The following TBC1D5 variants were observed in gnomAD, a reference collection of about 807,000 sequenced individuals.
TBC1D5 encodes the protein TBC1 domain family, member 5.
Under a neutral mutation model 100.3 loss-of-function variants are expected in TBC1D5, and 75 were observed. The observed-to-expected ratio is 0.75, with a 90% CI of 0.62 to 0.91. The LOEUF is 0.91. TBC1D5 is among the 40% of genes least tolerant of loss of function. The pLI, the probability that TBC1D5 is intolerant of heterozygous loss-of-function variation, is 0.00. For synonymous variants in TBC1D5, 323 were observed against 325.6 expected (o/e 0.99, Z 0.09); for missense variants, 910 against 942.4 (o/e 0.97, Z 0.45).
intron 1 of TBC1D5, among the ~76,000 whole-genome samples, chr3:17,640,399 G>T (rs559418650): frequency 6.6e-6 from 1 of 151,786 alleles, no homozygotes; most frequent in Non-Finnish European, 1.5e-5. Context: ...CTGTTTCAAA[G>T]ATTTATTTTA....
chr3:17,662,856 A>C (rs1308983507), intron 1 of TBC1D5: 1 of 152,170 alleles, frequency 6.6e-6, no homozygotes, highest in East Asian at 1.9e-4. Flanking sequence ...ACACACAAAA[A>C]GTAGAAACAC....
chr3:17,164,169 C>T (rs1023975961), intron 21 of TBC1D5, among the ~76,000 whole-genome samples: 1 of 152,186 alleles, frequency 6.6e-6, no homozygotes, highest in Non-Finnish European at 1.5e-5. Context: ...CACTATGAGC[C>T]ATGTCACATC....
intron 8 of TBC1D5, among the ~76,000 whole-genome samples, chr3:17,385,406 T>C (rs1575629023): frequency 1.3e-5 from 2 of 152,008 alleles, no homozygotes; most frequent in East Asian, 3.9e-4. Context: ...TTAAGAGCAG[T>C]AGTGGCTGTT....
intron 3 of TBC1D5, among the ~76,000 whole-genome samples, chr3:17,452,325 T>C (rs145222501): frequency 6.6e-5 from 10 of 152,206 alleles, no homozygotes; most frequent in Middle Eastern, 3.4e-3. Flanking sequence ...ACATTAAATG[T>C]ACATAGACTA....
chr3:17,271,544 C>T (rs560538133), intron 15 of TBC1D5, among the ~76,000 whole-genome samples: 1 of 152,094 alleles, frequency 6.6e-6, no homozygotes, highest in African/African-American at 2.4e-5. Context: ...ATCATATTGC[C>T]AGAGAAGAGA....
chr3:17,166,778 C>T, exon 21 of TBC1D5: 1 of 1,608,558 alleles, frequency 6.2e-7, no homozygotes, highest in Non-Finnish European at 8.5e-7. Context: ...TGTTTAATGG[C>T]CCCTGACATT....
intron 2 of TBC1D5, among the ~76,000 whole-genome samples, chr3:17,565,001 GAAAACAA>G (rs57068698): frequency 1.3e-5 from 2 of 150,878 alleles, no homozygotes; most frequent in African/African-American, 4.9e-5. Context: ...TTTTCTACTA[GAAAACAA>G]AAAACAAAAA....
intron 1 of TBC1D5, among the ~76,000 whole-genome samples, chr3:17,738,960 G>A (rs1355228441): frequency 1.3e-5 from 2 of 152,106 alleles, no homozygotes; most frequent in African/African-American, 4.8e-5. Flanking sequence ...AGGTTTTTGA[G>A]AAAGCATTTA....
intron 13 of TBC1D5, among the ~76,000 whole-genome samples, chr3:17,319,333 C>G (rs766540816): frequency 6.6e-6 from 1 of 152,144 alleles, no homozygotes; most frequent in African/African-American, 2.4e-5. Flanking sequence ...TGCTCTCTGA[C>G]CATAGCCTCG....
intron 2 of TBC1D5, among the ~76,000 whole-genome samples, chr3:17,525,975 T>C (rs2096129494): frequency 1.3e-5 from 2 of 152,202 alleles, no homozygotes; most frequent in South Asian, 4.1e-4. Flanking sequence ...CTTCATTCTC[T>C]CTGAAATGCT....
chr3:17,494,668 C>T (rs557855289), intron 3 of TBC1D5, among the ~76,000 whole-genome samples: 101 of 152,310 alleles, frequency 6.6e-4, no homozygotes, highest in African/African-American at 2.3e-3. Context: ...TGATCTACTA[C>T]AGCCGCTGTG....
At chr3:17,215,219 T>G (rs998622384) in intron 17 of TBC1D5, among the ~76,000 whole-genome samples, 1 of 151,664 alleles carries the variant, frequency 6.6e-6, no homozygotes, top group African/African-American at 2.4e-5. Flanking sequence ...CAAGTGGGGG[T>G]GAGTCAGGGG....
chr3:17,472,518 C>T (rs1343405263), intron 3 of TBC1D5, among the ~76,000 whole-genome samples: 2 of 152,062 alleles, frequency 1.3e-5, no homozygotes, highest in African/African-American at 4.8e-5. Flanking sequence ...AATGGTAACA[C>T]CCTCCTTAAT....
At chr3:17,504,741 G>A (rs190059697) in intron 3 of TBC1D5, among the ~76,000 whole-genome samples, 1 of 152,256 alleles carries the variant, frequency 6.6e-6, no homozygotes, top group Non-Finnish European at 1.5e-5. Flanking sequence ...AGGGTTTATA[G>A]TACTTCAGAC....
chr3:17,631,719 C>G (rs1390034544), intron 1 of TBC1D5, among the ~76,000 whole-genome samples: 1 of 152,122 alleles, frequency 6.6e-6, no homozygotes, highest in Non-Finnish European at 1.5e-5. Context: ...ACTCTGTGCT[C>G]TAGAAAAGGA....
chr3:17,252,261 C>A (rs1052519019), intron 16 of TBC1D5, among the ~76,000 whole-genome samples: 3 of 152,070 alleles, frequency 2.0e-5, no homozygotes, highest in African/African-American at 7.2e-5. Flanking sequence ...TCAGGTATTT[C>A]ATTTGATAAA....
chr3:17,233,553 G>A lies in TBC1D5; in HGVS notation c.1588+4610C>T. 5 of 567,856 alleles carry A rather than the reference G, an allele frequency of 8.8e-6. No individual in the cohort carries two copies. The South Asian group carries it at 1.4e-4, about 16-fold the overall frequency. The allele number at this position is 567,856 out of a possible 1,614,324, so 35.2% of individuals were successfully genotyped here. ...TTCTTAACAATAGTGCCACTCAGTG[G>A]CTGAACAATGGTAGTGAATTGAAAA... On this transcript the variant is annotated intron_variant, in intron 17 of 21. Coordinates refer to ENST00000253692, the Ensembl canonical transcript of TBC1D5.
At chr3:17,674,358 TGAA>T (rs1394719249) in intron 1 of TBC1D5, among the ~76,000 whole-genome samples, 4 of 152,192 alleles carry the variant, frequency 2.6e-5, no homozygotes, top group African/African-American at 7.2e-5. Context: ...TTTGTCACCA[TGAA>T]GAAAATATGA....
At chr3:17,715,947 G>T (rs1362210450) in intron 1 of TBC1D5, among the ~76,000 whole-genome samples, 3 of 152,158 alleles carry the variant, frequency 2.0e-5, no homozygotes, top group Non-Finnish European at 4.4e-5. Flanking sequence ...AGTTACTCAA[G>T]AGGCTGAGGC....
Sources: gnomAD v4.1 joint callset for allele counts (sites outside exome capture counted in the v4.1 genomes callset) on GRCh38, gnomAD v4.1.1 for gene constraint, MANE v1.5 for transcripts, NCBI Gene and HGNC (gene_info 2026-07-23, HGNC 2026-07-21) for gene names.